The following SBF2 variants were observed in gnomAD, a reference collection of about 807,000 sequenced individuals.
SBF2 encodes SET binding factor 2, also known as myotubularin-related protein 13.
Under a neutral mutation model 225.2 loss-of-function variants are expected in SBF2, and 112 were observed. The ratio of observed to expected loss-of-function variants is 0.50; its 90% confidence interval spans 0.43 to 0.58. The LOEUF (loss-of-function observed/expected upper bound fraction) is 0.58. Among genes scored for constraint, SBF2 ranks in the 20% least tolerant of loss-of-function variants. The probability of loss-of-function intolerance (pLI) is 0.00; values close to 1 mark genes in which losing one functional copy is unlikely to be tolerated. For synonymous variants in SBF2, 763 were observed against 773.3 expected (o/e 0.99, Z 0.22); for missense variants, 1,996 against 2,206.2 (o/e 0.90, Z 1.91).
intron 1 of SBF2, among the ~76,000 whole-genome samples, chr11:10,222,354 A>C (rs936806759): frequency 5.9e-5 from 9 of 152,240 alleles, no homozygotes; most frequent in African/African-American, 2.2e-4. Context: ...ATAGATTTTC[A>C]AGCAACTATT....
chr11:9,848,192 C>A (rs888093467), intron 22 of SBF2, among the ~76,000 whole-genome samples: 3 of 152,128 alleles, frequency 2.0e-5, no homozygotes, highest in Non-Finnish European at 2.9e-5. Flanking sequence ...ATCTATCAAT[C>A]TGTAATCTAG....
At chr11:9,922,851 A>G (rs1863740094) in intron 16 of SBF2, among the ~76,000 whole-genome samples, 1 of 152,160 alleles carries the variant, frequency 6.6e-6, no homozygotes, top group African/African-American at 2.4e-5. Flanking sequence ...CTACAGAGCA[A>G]GTTCATTTAA....
At chr11:10,245,133 CAA>C (rs60827616) in intron 1 of SBF2, among the ~76,000 whole-genome samples, 2,146 of 92,480 alleles carry the variant, frequency 0.023, 31 homozygotes, top group African/African-American at 0.062. Flanking sequence ...GACCCTGTCT[CAA>C]AAAAAAAAAA....
chr11:10,205,904 C>T (rs539167352), intron 1 of SBF2, among the ~76,000 whole-genome samples: 1 of 152,022 alleles, frequency 6.6e-6, no homozygotes, highest in African/African-American at 2.4e-5. Context: ...GTAACCTCGG[C>T]AGACATTTTG....
At chr11:9,868,474 C>T (rs916251406) in intron 17 of SBF2, among the ~76,000 whole-genome samples, 22 of 150,866 alleles carry the variant, frequency 1.5e-4, no homozygotes, top group South Asian at 8.4e-4. Context: ...ACTGAGATTG[C>T]GCCACTGCAC....
chr11:10,123,971 T>A (rs1393280801), intron 2 of SBF2, among the ~76,000 whole-genome samples: 1 of 152,206 alleles, frequency 6.6e-6, no homozygotes, highest in Non-Finnish European at 1.5e-5. Flanking sequence ...AATCTCACTA[T>A]TAAAGTGTGA....
intron 26 of SBF2, among the ~76,000 whole-genome samples, chr11:9,835,536 G>T (rs946149814): frequency 2.0e-5 from 3 of 150,016 alleles, no homozygotes; most frequent in African/African-American, 7.3e-5. Context: ...GAAAGCTGAG[G>T]TGGAAGGATC....
At chr11:9,867,829 G>C (rs984250941) in intron 17 of SBF2, among the ~76,000 whole-genome samples, 4 of 152,194 alleles carry the variant, frequency 2.6e-5, no homozygotes, top group Non-Finnish European at 5.9e-5. Context: ...AATGGAAGTA[G>C]AGAGTAGGAT....
rs534194585 is a variant in SBF2, at chr11:10,091,349, C to T, written c.142-48368G>A. Among the ~76,000 whole-genome samples, 11 of 152,278 alleles carry T rather than the reference C, an allele frequency of 7.2e-5. No individual in the cohort carries two copies. The South Asian group carries it at 2.1e-3, about 29-fold the overall frequency. The stretch of plus-strand genomic sequence containing the variant: ...ATCAGTTCTCTACTTGATTACTGTC[C>T]TTCTCCACAGAAGTCTTCCCTAATT... On this transcript the variant is annotated intron_variant, in intron 2 of 39. Coordinates refer to ENST00000256190, the MANE Select transcript of SBF2 (RefSeq NM_030962.4).
intron 3 of SBF2, among the ~76,000 whole-genome samples, chr11:10,040,877 A>G (rs981756339): frequency 6.6e-6 from 1 of 152,090 alleles, no homozygotes; most frequent in African/African-American, 2.4e-5. Context: ...AAGGCTATAT[A>G]CATGTTTGCA....
chr11:9,806,086 CAT>C (rs1158317545), intron 32 of SBF2, among the ~76,000 whole-genome samples: 1 of 152,194 alleles, frequency 6.6e-6, no homozygotes, highest in Admixed American at 6.5e-5. Context: ...ACTAGTATGA[CAT>C]AGTCCCTGTT....
At chr11:10,200,351 T>A (rs1013627898) in intron 1 of SBF2, among the ~76,000 whole-genome samples, 3 of 152,350 alleles carry the variant, frequency 2.0e-5, no homozygotes, top group Non-Finnish European at 4.4e-5. Flanking sequence ...AGAACAGCAC[T>A]CCAACCTGAA....
At chr11:10,239,717 G>A (rs914451105) in intron 1 of SBF2, among the ~76,000 whole-genome samples, 1 of 137,002 alleles carries the variant, frequency 7.3e-6, no homozygotes, top group African/African-American at 2.5e-5. Context: ...ACAAAAGACC[G>A]TGACGTCACA....
intron 1 of SBF2, among the ~76,000 whole-genome samples, chr11:10,234,330 C>A (rs1467119266): frequency 6.6e-6 from 1 of 152,072 alleles, no homozygotes; most frequent in Non-Finnish European, 1.5e-5. Context: ...AATATCCTAT[C>A]TTGATTTTCT....
At chr11:10,075,825 A>G (rs1236667693) in intron 2 of SBF2, among the ~76,000 whole-genome samples, 1 of 152,148 alleles carries the variant, frequency 6.6e-6, no homozygotes, top group African/African-American at 2.4e-5. Flanking sequence ...TAATTGATGA[A>G]TGCAACAGAG....
chr11:9,850,327 T>TCGGC, intron 21 of SBF2, 109 bp from the exon 22 acceptor site: 3 of 987,306 alleles, frequency 3.0e-6, no homozygotes, highest in Non-Finnish European at 4.7e-6. Flanking sequence ...GCAATCATAG[T>TCGGC]TCACTGCAGC....
intron 1 of SBF2, among the ~76,000 whole-genome samples, chr11:10,209,658 G>C (rs1279524766): frequency 1.3e-5 from 2 of 151,676 alleles, no homozygotes; most frequent in Non-Finnish European, 2.9e-5. Context: ...GACCAAATTG[G>C]GATTTTCTAT....
rs768423608 is a variant in SBF2 at position 9,961,976 on chromosome 11, A to G, written c.1841T>C (p.Met614Thr). The G allele has an allele frequency of 5.6e-6, 9 of 1,613,762 alleles. No homozygotes were observed. The South Asian group carries it at 9.9e-5, about 18-fold the overall frequency. ...AATTACCTGTAGAGTACAATTCATC[A>G]TCCTTATTATGTAGTCAAACTGTTG... The part of the protein sequence containing the change: ...DHQQFDYIIR[M>T]MNCTLQDCSS... Residue 614 changes from methionine to threonine, a missense_variant, in exon 16 of 40, where the codon ATG (methionine) becomes ACG (threonine). Transcript: ENST00000256190.
At chr11:9,785,441 A>C in intron 36 of SBF2, 123 bp from the exon 37 acceptor site, 3 of 792,074 alleles carry the variant, frequency 3.8e-6, no homozygotes, top group Non-Finnish European at 4.4e-6. Context: ...AATAATGTAC[A>C]AAGGTATCAA....
Sources: allele counts gnomAD v4.1 joint callset (sites outside exome capture counted in the v4.1 genomes callset), GRCh38; gene constraint gnomAD v4.1.1; transcripts MANE v1.5; gene names NCBI Gene and HGNC (gene_info 2026-07-23, HGNC 2026-07-21).